Variants in EVI5L observed in about 807,000 individuals in gnomAD.
The protein encoded by EVI5L is EVI5-like protein.
In EVI5L, 30 loss-of-function variants were observed where a neutral mutation model predicts 106.1. The observed-to-expected ratio is 0.28, with a 90% CI of 0.21 to 0.38. The LOEUF is 0.38. Among genes scored for constraint, EVI5L ranks in the 10% least tolerant of loss-of-function variants. EVI5L has a pLI of 1.00. For synonymous variants in EVI5L, 489 were observed against 483.3 expected, an observed-to-expected ratio of 1.01 and a Z score of -0.15; for missense variants, 809 against 1,098.0, an observed-to-expected ratio of 0.74 and a Z score of 3.72.
chr19:7,853,330 C>T lies in EVI5L; in HGVS notation c.1143C>T (p.Ile381=). Residue 381 remains isoleucine, a synonymous_variant, in exon 10 of 20, where the codon ATC becomes ATT. Coordinates refer to ENST00000538904, the MANE Select transcript of EVI5L (RefSeq NM_001159944.3). ...KSKEMEEQIE[I]KRLRTENRLL... ...AGGAGATGGAGGAGCAGATCGAGAT[C>T]AAAGTGAGTCCAGGGGCCCAGGGGC... 1 of 1,610,246 alleles carries T rather than the reference C, an allele frequency of 6.2e-7. No individual in the cohort carries two copies. The highest frequency in any genetic ancestry group is 8.5e-7 in the Non-Finnish European group (1 of 1,178,548).
chr19:7,852,718 A>ATT (rs78343459), intron 8 of EVI5L: 75,794 of 212,086 alleles, frequency 0.36, 11,816 homozygotes, highest in South Asian at 0.53. Flanking sequence ...TGTCCAGCTA[A>ATT]TTTTTTTTTT....
intron 1 of EVI5L, among the ~76,000 whole-genome samples, chr19:7,843,168 G>T (rs1341753857): frequency 6.7e-6 from 1 of 149,198 alleles, no homozygotes; most frequent in Non-Finnish European, 1.5e-5. Context: ...GCATGGGTGT[G>T]TGTGTTGAGT....
chr19:7,840,001 C>T (rs1599561216), intron 1 of EVI5L, among the ~76,000 whole-genome samples: 2 of 152,066 alleles, frequency 1.3e-5, no homozygotes, highest in Non-Finnish European at 2.9e-5. Context: ...CTTGGCTGAG[C>T]TCTAGAACAT....
rs1979354683 is a variant in EVI5L at position 7,853,346 on chromosome 19, G to A, written c.1146+13G>A. ...GATCGAGATCAAAGTGAGTCCAGGGGCCCAGGGGCGGGGACAGGGATGGGA... is the reference window on the plus strand; with the variant it reads ...GATCGAGATCAAAGTGAGTCCAGGGACCCAGGGGCGGGGACAGGGATGGGA... On this transcript the variant is annotated intron_variant, in intron 10 of 19. Transcript: ENST00000538904. The A allele has an allele frequency of 2.5e-6, 4 of 1,605,780 alleles. No homozygotes were observed. Among genetic ancestry groups the A allele is most frequent in the Non-Finnish European group, 2.5e-6 (3 of 1,176,870 alleles).
chr19:7,862,225 C>T lies in EVI5L; in HGVS notation c.1748C>T (p.Ala583Val), dbSNP rs1280698557. 2 of 1,572,550 alleles carry T rather than the reference C, an allele frequency of 1.3e-6. No homozygotes were observed. Reference protein sequence around the residue: ...LMSVRLREAQALAEGRELRQR... With the variant: ...LMSVRLREAQVLAEGRELRQR... ...AGCGTGCGTCTGCGCGAGGCCCAGGCCCTGGCCGAGGGCCGCGAGCTGCGG... is the reference window on the plus strand; with the variant it reads ...AGCGTGCGTCTGCGCGAGGCCCAGGTCCTGGCCGAGGGCCGCGAGCTGCGG... Residue 583 changes from alanine (A) to valine (V), a missense_variant, in exon 16 of 20, where the codon GCC becomes GTC. Physicochemically the swap from Ala to Val is moderately conservative, Grantham distance 64. Coordinates refer to ENST00000538904, the MANE Select transcript of EVI5L (RefSeq NM_001159944.3).
rs767749224 is a variant in EVI5L at position 7,851,415 on chromosome 19, C to T, written c.754-19C>T. 1.2e-5 allele frequency: 20 copies of T among 1,604,602 alleles called. No homozygotes were observed. The highest frequency in any genetic ancestry group is 6.7e-5 in the African/African-American group (5 of 74,754). Reference sequence around the variant, plus strand: ...GGGCGTCCCCCTCACTGTGCCCACCCGGCCTCCCACCCCTGCAGGAGCAGC... The same window carrying T: ...GGGCGTCCCCCTCACTGTGCCCACCTGGCCTCCCACCCCTGCAGGAGCAGC... On this transcript the variant is annotated intron_variant, in intron 6 of 19. Transcript: ENST00000538904.
Position 7,836,261 on chromosome 19 carries a change from G to T in EVI5L, c.-48+5880G>T, listed in dbSNP as rs559724653. Among the ~76,000 whole-genome samples, 4 of 152,172 alleles carry T rather than the reference G, an allele frequency of 2.6e-5. No homozygotes were observed. The East Asian group carries it at 7.7e-4, about 29-fold the overall frequency. ...CAGAAAAGAAAAAAAGAAGGAAATG[G>T]GGGGTAGGGGAGTAAGGGAAACAAC... is the stretch of plus-strand genomic sequence containing the variant. On this transcript the variant is annotated intron_variant, in intron 1 of 19. Coordinates refer to ENST00000538904, the MANE Select transcript of EVI5L (RefSeq NM_001159944.3).
In EVI5L at chr19:7,857,984, C is replaced by T; in HGVS notation, c.1234-207C>T. ...CAGGGCTAGCTCTGTTCCTCCCGGG[C>T]TCCTCCAGGTGTCCTATTCCTGCCT... On this transcript the variant is annotated intron_variant, in intron 12 of 19. Transcript: ENST00000538904. This position sits in a 1 kb window ranked among gnomAD's most constrained non-coding sequence, Gnocchi z 4.5. 1.7e-6 allele frequency: 1 copy of T among 585,416 alleles called. No individual in the cohort carries two copies. The highest frequency in any genetic ancestry group is 2.9e-5 in the East Asian group (1 of 34,278). The allele number at this position is 585,416 out of a possible 1,614,324, so 36.3% of individuals were successfully genotyped here. A position where few individuals can be genotyped will look rare whatever the true frequency, so the allele number is the denominator to read the frequency against.
chr19:7,832,950 A>C (rs1308181992), intron 1 of EVI5L, among the ~76,000 whole-genome samples: 4 of 151,614 alleles, frequency 2.6e-5, no homozygotes, highest in Non-Finnish European at 5.9e-5. Context: ...GGAGGAAAAG[A>C]CTCCTGAAGG....
chr19:7,863,368 T>C lies in EVI5L; in HGVS notation c.2140-56T>C, dbSNP rs927084397. 6.5e-7 allele frequency: 1 copy of C among 1,537,754 alleles called. No homozygotes were observed. The highest frequency in any genetic ancestry group is 8.8e-7 in the Non-Finnish European group (1 of 1,141,382). ...GCAGGTGCCTTGCGGAGGATGCGGC[T>C]GGGAGGGCGGGGCAGAAGGCCGGTC... is the stretch of plus-strand genomic sequence containing the variant. On this transcript the variant is annotated intron_variant, in intron 19 of 19. Transcript: ENST00000538904. This position sits in a 1 kb window ranked among gnomAD's most constrained non-coding sequence, Gnocchi z 7.7.
In EVI5L at chr19:7,863,408, C is replaced by T. The variant is rs1308977491; in HGVS notation, c.2140-16C>T. 4.6e-6 allele frequency: 7 copies of T among 1,530,948 alleles called. No individual in the cohort carries two copies. The highest frequency in any genetic ancestry group is 6.1e-6 in the Non-Finnish European group (7 of 1,139,484). 94.8% of individuals were successfully genotyped at this position (1,530,948 alleles called of 1,614,324 possible). The stretch of plus-strand genomic sequence containing the variant: ...GAAGGCCGGTCCACGCCTGCAGCGC[C>T]GGTCCCCCGCCCCAGGTGCGGCTGC... On this transcript the variant is annotated splice_polypyrimidine_tract_variant and intron_variant, in intron 19 of 19. Transcript: ENST00000538904. This position sits in a 1 kb window ranked among gnomAD's most constrained non-coding sequence, Gnocchi z 7.7.
At chr19:7,837,646 A>G (rs1978397834) in intron 1 of EVI5L, among the ~76,000 whole-genome samples, 1 of 151,904 alleles carries the variant, frequency 6.6e-6, no homozygotes, top group South Asian at 2.1e-4. Flanking sequence ...AGTTTCTCAG[A>G]CTTTCCTTGC....
At chr19:7,860,883 T>C (rs776119215) in intron 14 of EVI5L, among the ~76,000 whole-genome samples, 194 bp downstream of exon 14, 2 of 152,036 alleles carry the variant, frequency 1.3e-5, no homozygotes, top group Non-Finnish European at 2.9e-5. Flanking sequence ...TCCAGCAGCG[T>C]GGCAGCTTCT....
Position 7,863,828 on chromosome 19 carries a change from A to G in EVI5L, c.*126A>G. 1.5e-6 allele frequency: 2 copies of G among 1,304,352 alleles called. No individual in the cohort carries two copies. The highest frequency in any genetic ancestry group is 3.3e-5 in the South Asian group (2 of 61,348). The allele number at this position is 1,304,352 out of a possible 1,614,324, so 80.8% of individuals were successfully genotyped here. On this transcript the variant is annotated 3_prime_UTR_variant, in exon 20 of 20. Transcript: ENST00000538904. The surrounding 1 kb of genome is among the most constrained non-coding windows in gnomAD (Gnocchi z 7.7). Reference sequence around the variant, plus strand: ...GCCCTCTGTGGCTCGGCCACCCCTAAAGCGAGGCCCGGCGAGGCAGCGCAG... The same window carrying G: ...GCCCTCTGTGGCTCGGCCACCCCTAGAGCGAGGCCCGGCGAGGCAGCGCAG...
chr19:7,857,481 ACAC>A lies in EVI5L; in HGVS notation c.1233+358_1233+360del. 2.2e-6 allele frequency: 1 copy of A among 460,034 alleles called. No homozygotes were observed. The highest frequency in any genetic ancestry group is 2.2e-5 in the South Asian group (1 of 45,374). The allele number at this position is 460,034 out of a possible 1,614,324, so 28.5% of individuals were successfully genotyped here. On this transcript the variant is annotated intron_variant, in intron 12 of 19. Transcript: ENST00000538904. The surrounding 1 kb of genome is among the most constrained non-coding windows in gnomAD (Gnocchi z 4.5). The stretch of plus-strand genomic sequence containing the variant: ...TGTGCAGTGCTGCGGTCACACACAC[ACAC>A]AACACATGCACACACACACACGCAC...
At position 7,835,248 on chromosome 19, in the gene EVI5L, C is replaced by A. The variant is rs1468827509; in HGVS notation, c.-48+4867C>A. On this transcript the variant is annotated intron_variant, in intron 1 of 19. Coordinates refer to ENST00000538904, the MANE Select transcript of EVI5L (RefSeq NM_001159944.3). The surrounding 1 kb of genome is among the most constrained non-coding windows in gnomAD (Gnocchi z 4.1). Reference sequence around the variant, plus strand: ...GGAGGCCAGGAGCGGTGGCTCACACCTGTAATCCCAGTACTTTGGGAGGCT... The same window carrying A: ...GGAGGCCAGGAGCGGTGGCTCACACATGTAATCCCAGTACTTTGGGAGGCT... Among the ~76,000 whole-genome samples the A allele has an allele frequency of 6.6e-6, 1 of 152,122 alleles. No individual in the cohort carries two copies. The highest frequency in any genetic ancestry group is 1.9e-4 in the East Asian group (1 of 5,200).
Position 7,848,298 on chromosome 19 carries a change from T to C in EVI5L, c.327+377T>C, listed in dbSNP as rs181817436. 1.3e-4 allele frequency among the ~76,000 whole-genome samples: 19 copies of C among 151,756 alleles called. No individual in the cohort carries two copies. The South Asian group carries it at 2.7e-3, about 22-fold the overall frequency. ...TGAGACTCCGACTCTATAAAAAGTT[T>C]AAAAATTAGCCAGGTAGGCCGGGCG... On this transcript the variant is annotated intron_variant, in intron 3 of 19. Transcript: ENST00000538904. The surrounding 1 kb of genome is among the most constrained non-coding windows in gnomAD (Gnocchi z 4.8).
intron 1 of EVI5L, among the ~76,000 whole-genome samples, chr19:7,839,574 A>G (rs1423998690): frequency 6.6e-6 from 1 of 152,136 alleles, no homozygotes; most frequent in East Asian, 1.9e-4. Flanking sequence ...TGGTGGCCCC[A>G]TGGACAGAGC....
rs1394770809 is a variant in EVI5L, at chr19:7,856,878, C to T, written c.1201-214C>T. ...GGCACCCCCGACCTCCCCGCTCACACCGAACCCCTCTCCAGGACGGAGCTG... is the reference window on the plus strand; with the variant it reads ...GGCACCCCCGACCTCCCCGCTCACATCGAACCCCTCTCCAGGACGGAGCTG... On this transcript the variant is annotated intron_variant, in intron 11 of 19. Coordinates refer to ENST00000538904, the MANE Select transcript of EVI5L (RefSeq NM_001159944.3). This position sits in a 1 kb window ranked among gnomAD's most constrained non-coding sequence, Gnocchi z 6.6. 5.1e-5 allele frequency: 36 copies of T among 704,212 alleles called. No individual in the cohort carries two copies. The East Asian group carries it at 9.1e-4, about 18-fold the overall frequency. 43.6% of individuals were successfully genotyped at this position (704,212 alleles called of 1,614,324 possible).
Sources: gnomAD v4.1 joint callset for allele counts (sites outside exome capture counted in the v4.1 genomes callset) on GRCh38, gnomAD v4.1.1 for gene constraint, Gnocchi (gnomAD v3.1) non-coding constraint, MANE v1.5 for transcripts, NCBI Gene and HGNC (gene_info 2026-07-23, HGNC 2026-07-21) for gene names.